Variants in MNAT1 observed in about 807,000 individuals in gnomAD.
MNAT1 encodes the protein MNAT1 component of CDK activating kinase, also known as CDK-activating kinase assembly factor MAT1.
Under a neutral mutation model 42.0 loss-of-function variants are expected in MNAT1, and 43 were observed. That is an observed-to-expected ratio of 1.02 (90% CI 0.80 to 1.32). MNAT1 has a LOEUF of 1.32. Ranked by LOEUF, MNAT1 falls within the 40% of genes most tolerant of loss-of-function variation. The probability of loss-of-function intolerance (pLI) is 0.00; values close to 1 mark genes in which losing one functional copy is unlikely to be tolerated. For missense variants in MNAT1, 306 were observed against 350.4 expected, an observed-to-expected ratio of 0.87 and a Z score of 1.01; for synonymous variants, 118 against 120.0, an observed-to-expected ratio of 0.98 and a Z score of 0.11.
intron 7 of MNAT1, among the ~76,000 whole-genome samples, chr14:60,914,422 T>C (rs991506824): frequency 1.3e-5 from 2 of 152,062 alleles, no homozygotes; most frequent in African/African-American, 4.8e-5. Flanking sequence ...TTGCTCACGC[T>C]GGGAGCTGTA....
At chr14:60,818,057 A>G (rs182886831) in intron 5 of MNAT1, among the ~76,000 whole-genome samples, 2 of 152,146 alleles carry the variant, frequency 1.3e-5, no homozygotes, top group African/African-American at 4.8e-5. Context: ...CACTTTAAAG[A>G]TGTAAGAGGA....
intron 7 of MNAT1, among the ~76,000 whole-genome samples, chr14:60,882,827 A>G (rs1326470901): frequency 1.3e-5 from 2 of 152,010 alleles, no homozygotes; most frequent in African/African-American, 4.8e-5. Context: ...TTCTCTGATG[A>G]TTACTGGTGA....
intron 7 of MNAT1, among the ~76,000 whole-genome samples, chr14:60,936,556 C>G (rs2036001815): frequency 6.6e-6 from 1 of 152,156 alleles, no homozygotes; most frequent in East Asian, 1.9e-4. Flanking sequence ...GACATGAACT[C>G]ATTATTTCTT....
At chr14:60,759,673 T>C (rs573024852) in intron 1 of MNAT1, among the ~76,000 whole-genome samples, 37 of 152,350 alleles carry the variant, frequency 2.4e-4, no homozygotes, top group Non-Finnish European at 4.6e-4. Flanking sequence ...TTTCCTGTTG[T>C]TGTTTAAAAA....
intron 7 of MNAT1, among the ~76,000 whole-genome samples, chr14:60,892,010 T>C (rs929288051): frequency 1.3e-5 from 2 of 152,192 alleles, no homozygotes; most frequent in Non-Finnish European, 1.5e-5. Flanking sequence ...TTGGGGAAGA[T>C]ACTTTGTATG....
intron 6 of MNAT1, among the ~76,000 whole-genome samples, chr14:60,847,779 A>G (rs534788493): frequency 3.3e-5 from 5 of 152,280 alleles, no homozygotes; most frequent in East Asian, 1.9e-4. Context: ...ACTTATTACA[A>G]TTGACTTCAT....
chr14:60,735,696 T>C (rs1314836990), intron 1 of MNAT1, among the ~76,000 whole-genome samples: 1 of 152,172 alleles, frequency 6.6e-6, no homozygotes, highest in East Asian at 1.9e-4. Context: ...AGTCTGACTT[T>C]AGAACGCCCA....
chr14:60,770,266 C>T (rs1238089627), intron 1 of MNAT1, among the ~76,000 whole-genome samples: 1 of 152,020 alleles, frequency 6.6e-6, no homozygotes, highest in African/African-American at 2.4e-5. Flanking sequence ...ACAGGATTTC[C>T]TTTTTTAAAA....
rs1015664416 is a variant in MNAT1 at position 60,796,456 on chromosome 14, G to A, written c.242+87G>A. On this transcript the variant is annotated intron_variant, in intron 2 of 7. Coordinates refer to ENST00000261245, the MANE Select transcript of MNAT1 (RefSeq NM_002431.4). ...TTGATTATTATTTGCTCATAAATGT[G>A]GACAGATTAGCAAGTAAATAACTAT... 8.1e-5 allele frequency: 97 copies of A among 1,202,660 alleles called. No homozygotes were observed. The African/African-American group carries it at 1.4e-3, about 17-fold the overall frequency. The allele number at this position is 1,202,660 out of a possible 1,614,324, so 74.5% of individuals were successfully genotyped here.
chr14:60,857,813 G>GA (rs200738590), intron 6 of MNAT1, among the ~76,000 whole-genome samples: 37,514 of 151,532 alleles, frequency 0.25, 5,041 homozygotes, highest in Middle Eastern at 0.35. Context: ...TTATGAGTGA[G>GA]AACATGCGGT....
In MNAT1 at chr14:60,781,281, A is replaced by G. The variant is rs552924268; in HGVS notation, c.90-14936A>G. Among the ~76,000 whole-genome samples, 10 of 152,308 alleles carry G rather than the reference A, an allele frequency of 6.6e-5. No homozygotes were observed. The East Asian group carries it at 1.7e-3, about 26-fold the overall frequency. On this transcript the variant is annotated intron_variant, in intron 1 of 7. Transcript: ENST00000261245. ...GTTTGTTAAAAACAAAAAAAGAAGCAAGTGGATTTGTGTGGTGTAATTTGC... is the reference window on the plus strand; with the variant it reads ...GTTTGTTAAAAACAAAAAAAGAAGCGAGTGGATTTGTGTGGTGTAATTTGC...
chr14:60,852,893 C>G (rs2033859634), intron 6 of MNAT1, among the ~76,000 whole-genome samples: 1 of 152,100 alleles, frequency 6.6e-6, no homozygotes, highest in South Asian at 2.1e-4. Flanking sequence ...CTGTTGTGTT[C>G]CATTGGTCTA....
intron 7 of MNAT1, among the ~76,000 whole-genome samples, chr14:60,933,615 A>AGAT (rs1389651387): frequency 6.6e-6 from 1 of 152,204 alleles, no homozygotes; most frequent in East Asian, 1.9e-4. Context: ...TAAGAAAATG[A>AGAT]GATGTCCTTC....
chr14:60,839,417 C>A (rs1172422249), intron 6 of MNAT1, among the ~76,000 whole-genome samples: 1 of 152,200 alleles, frequency 6.6e-6, no homozygotes, highest in East Asian at 1.9e-4. Context: ...CAGAGCTGTT[C>A]TTTTGTTCAG....
At chr14:60,885,011 C>G (rs1201124043) in intron 7 of MNAT1, among the ~76,000 whole-genome samples, 1 of 151,942 alleles carries the variant, frequency 6.6e-6, no homozygotes, top group Non-Finnish European at 1.5e-5. Flanking sequence ...ATGCCAGTCT[C>G]TTCTGGCCTA....
At chr14:60,825,463 G>T (rs999366176) in intron 6 of MNAT1, among the ~76,000 whole-genome samples, 10 of 152,148 alleles carry the variant, frequency 6.6e-5, no homozygotes, top group African/African-American at 1.9e-4. Flanking sequence ...TATCCCAGGG[G>T]TTGATTTTGT....
chr14:60,785,916 T>G (rs1171890407), intron 1 of MNAT1, among the ~76,000 whole-genome samples: 1 of 152,124 alleles, frequency 6.6e-6, no homozygotes, highest in Non-Finnish European at 1.5e-5. Context: ...TAATAATGGA[T>G]GCTTGATAAA....
In MNAT1 at chr14:60,740,647, T is replaced by C. The variant is rs1306694592; in HGVS notation, c.89+5696T>C. On this transcript the variant is annotated intron_variant, in intron 1 of 7. Transcript: ENST00000261245. The surrounding 1 kb of genome is among the most constrained non-coding windows in gnomAD (Gnocchi z 4.1). ...GGGTAGAAAATTAGGAAAAGGCACT[T>C]ATTTTAGGTGGAAGATTTAGAACAG... 6.6e-6 allele frequency among the ~76,000 whole-genome samples: 1 copy of C among 152,154 alleles called. No individual in the cohort carries two copies. Among genetic ancestry groups the C allele is most frequent in the Non-Finnish European group, 1.5e-5 (1 of 68,016 alleles).
At chr14:60,927,014 T>G (rs2035781553) in intron 7 of MNAT1, among the ~76,000 whole-genome samples, 1 of 152,180 alleles carries the variant, frequency 6.6e-6, no homozygotes, top group Non-Finnish European at 1.5e-5. Flanking sequence ...GAACAAAAGA[T>G]TCTCCTTGCC....
Sources: allele counts gnomAD v4.1 joint callset (sites outside exome capture counted in the v4.1 genomes callset), GRCh38; gene constraint gnomAD v4.1.1; non-coding constraint Gnocchi (gnomAD v3.1); transcripts MANE v1.5; gene names NCBI Gene and HGNC (gene_info 2026-07-23, HGNC 2026-07-21).